Variants in RNF216 observed in about 807,000 individuals in gnomAD.
The protein encoded by RNF216 is ring finger protein 216.
In RNF216, 72 loss-of-function variants were observed where a neutral mutation model predicts 110.8. That is an observed-to-expected ratio of 0.65 (90% CI 0.54 to 0.79). RNF216 has a LOEUF of 0.79. Among genes scored for constraint, RNF216 ranks in the 30% least tolerant of loss-of-function variants. The probability of loss-of-function intolerance (pLI) is 0.00; values close to 1 mark genes in which losing one functional copy is unlikely to be tolerated. For synonymous variants in RNF216, 495 were observed against 407.5 expected (o/e 1.21, Z -2.59); for missense variants, 1,342 against 1,141.2 (o/e 1.18, Z -2.54).
At chr7:5,727,771 G>C (rs1375737501) in intron 7 of RNF216, among the ~76,000 whole-genome samples, 1 of 151,800 alleles carries the variant, frequency 6.6e-6, no homozygotes. Flanking sequence ...AATACAGACT[G>C]CTCCAGTCTC....
chr7:5,644,295 C>T (rs1367935182), intron 14 of RNF216, among the ~76,000 whole-genome samples: 1 of 152,132 alleles, frequency 6.6e-6, no homozygotes, highest in Non-Finnish European at 1.5e-5. Context: ...TCTATTCCCA[C>T]CTCAATGTAT....
At chr7:5,656,417 T>C (rs1788746188) in intron 13 of RNF216, among the ~76,000 whole-genome samples, 1 of 152,170 alleles carries the variant, frequency 6.6e-6, no homozygotes, top group Non-Finnish European at 1.5e-5. Flanking sequence ...CTTTGACGAG[T>C]AACCTCAAAA....
intron 13 of RNF216, among the ~76,000 whole-genome samples, chr7:5,694,209 A>C (rs1381523448): frequency 6.6e-6 from 1 of 152,240 alleles, no homozygotes; most frequent in Non-Finnish European, 1.5e-5. Flanking sequence ...AGGACGGCCT[A>C]CTCAATTTCT....
intron 13 of RNF216, among the ~76,000 whole-genome samples, chr7:5,659,725 T>G (rs1788981418): frequency 6.6e-6 from 1 of 152,204 alleles, no homozygotes; most frequent in African/African-American, 2.4e-5. Flanking sequence ...ATTTGATTCT[T>G]GCTTAGATTT....
chr7:5,719,878 TA>T (rs1287372641), intron 9 of RNF216, among the ~76,000 whole-genome samples: 3 of 152,248 alleles, frequency 2.0e-5, no homozygotes, highest in Non-Finnish European at 4.4e-5. Context: ...TACCTGGATA[TA>T]AGACAAGCTT....
chr7:5,778,559 T>C (rs895793645), intron 1 of RNF216, among the ~76,000 whole-genome samples: 12 of 152,188 alleles, frequency 7.9e-5, no homozygotes, highest in African/African-American at 2.7e-4. Context: ...CCCCAGGACA[T>C]AGCATATCGG....
intron 9 of RNF216, among the ~76,000 whole-genome samples, chr7:5,718,816 A>G (rs749882248): frequency 2.6e-5 from 4 of 152,084 alleles, no homozygotes; most frequent in African/African-American, 7.2e-5. Context: ...CAAAGCATGT[A>G]ATCATGCTGG....
chr7:5,637,224 C>T lies in RNF216; in HGVS notation c.2382+3930G>A, dbSNP rs781541883. On this transcript the variant is annotated intron_variant, in intron 15 of 16. Transcript: ENST00000389902. ...TGGGAATGTCTGTCACACAGGGGCA[C>T]GGCCTGCCTTGTGAGCACTTCCCAC... Among the ~76,000 whole-genome samples the T allele has an allele frequency of 1.6e-4, 24 of 152,304 alleles. No homozygotes were observed. In the Middle Eastern group the frequency reaches 0.01, roughly 65 times the overall value.
intron 13 of RNF216, among the ~76,000 whole-genome samples, chr7:5,667,890 T>C (rs1789630595): frequency 6.6e-6 from 1 of 152,194 alleles, no homozygotes; most frequent in Non-Finnish European, 1.5e-5. Flanking sequence ...CACTGGGGTC[T>C]GGGCATGGGA....
chr7:5,709,681 C>G (rs759113500), intron 13 of RNF216, among the ~76,000 whole-genome samples: 1 of 152,202 alleles, frequency 6.6e-6, no homozygotes, highest in Non-Finnish European at 1.5e-5. Flanking sequence ...CCCTGGGAAG[C>G]TCCCACCAAC....
At chr7:5,707,084 A>G (rs1792341191) in intron 13 of RNF216, among the ~76,000 whole-genome samples, 2 of 152,230 alleles carry the variant, frequency 1.3e-5, no homozygotes, top group African/African-American at 4.8e-5. Flanking sequence ...TCAGCTGATC[A>G]TAAATGTGTG....
intron 1 of RNF216, among the ~76,000 whole-genome samples, chr7:5,768,957 G>A (rs76682240): frequency 5.3e-5 from 8 of 151,840 alleles, no homozygotes; most frequent in Admixed American, 2.6e-4. Flanking sequence ...CACTGTGCCC[G>A]GCCAAAGCAA....
At chr7:5,645,712 T>C (rs1788010583) in intron 14 of RNF216, among the ~76,000 whole-genome samples, 1 of 152,148 alleles carries the variant, frequency 6.6e-6, no homozygotes, top group African/African-American at 2.4e-5. Flanking sequence ...TGCTTCAGCC[T>C]TCCAAGTAGC....
At position 5,624,985 on chromosome 7, in the gene RNF216, C is replaced by T. The variant is rs1584327824; in HGVS notation, c.2383-860G>A. On this transcript the variant is annotated intron_variant, in intron 15 of 16. Transcript: ENST00000389902. The surrounding 1 kb of genome is among the most constrained non-coding windows in gnomAD (Gnocchi z 4.4). Reference sequence around the variant, plus strand: ...ATGAGTGGCGCTTACCTTAACCCCCCTCCTCAGTGACCCACAAAACAGCTG... The same window carrying T: ...ATGAGTGGCGCTTACCTTAACCCCCTTCCTCAGTGACCCACAAAACAGCTG... 6.6e-6 allele frequency among the ~76,000 whole-genome samples: 1 copy of T among 152,222 alleles called. No homozygotes were observed. The highest frequency in any genetic ancestry group is 1.5e-5 in the Non-Finnish European group (1 of 68,038).
At chr7:5,626,365 GC>G in intron 15 of RNF216, among the ~76,000 whole-genome samples, 1 of 151,340 alleles carries the variant, frequency 6.6e-6, no homozygotes, top group Middle Eastern at 3.4e-3. Flanking sequence ...CTGGGAGCTG[GC>G]AAGCCTCTTC....
At chr7:5,725,585 T>C in intron 7 of RNF216, 147 bp from the exon 8 acceptor site, 1 of 618,056 alleles carries the variant, frequency 1.6e-6, no homozygotes, top group Non-Finnish European at 2.9e-6. Context: ...GTGCGGTGGC[T>C]GACGCCTGTA....
rs139009091 is a variant in RNF216 at position 5,750,434 on chromosome 7, T to C, written c.201+2412A>G. On this transcript the variant is annotated intron_variant, in intron 3 of 16. Coordinates refer to ENST00000389902, the MANE Select transcript of RNF216 (RefSeq NM_207111.4). The stretch of plus-strand genomic sequence containing the variant: ...AGGCAAACTGGTCTTACTGTGATTA[T>C]CTTTGGTAGAAATGGGAGTGACTTA... Among the ~76,000 whole-genome samples, 1,227 of 152,342 alleles carry C rather than the reference T, an allele frequency of 8.1e-3. 17 individuals are homozygous for C. The highest frequency in any genetic ancestry group is 0.028 in the African/African-American group (1,173 of 41,580).
At chr7:5,779,591 G>A (rs1235876514) in intron 1 of RNF216, among the ~76,000 whole-genome samples, 1 of 148,156 alleles carries the variant, frequency 6.7e-6, no homozygotes, top group Non-Finnish European at 1.5e-5. Flanking sequence ...TGTAATTCTT[G>A]TGCTTTGGGA....
At position 5,688,208 on chromosome 7, in the gene RNF216, C is replaced by T. The variant is rs548027840; in HGVS notation, c.2061+23553G>A. On this transcript the variant is annotated intron_variant, in intron 13 of 16. Coordinates refer to ENST00000389902, the MANE Select transcript of RNF216 (RefSeq NM_207111.4). ...ATTTCAAAAATGATTAGTCTTCTTT[C>T]GATTACTTTTATATTGAGAGAAAAA... Among the ~76,000 whole-genome samples, 14 of 152,174 alleles carry T rather than the reference C, an allele frequency of 9.2e-5. No homozygotes were observed. The East Asian group carries it at 1.5e-3, about 17-fold the overall frequency.
Sources: gnomAD v4.1 joint callset for allele counts (sites outside exome capture counted in the v4.1 genomes callset) on GRCh38, gnomAD v4.1.1 for gene constraint, Gnocchi (gnomAD v3.1) non-coding constraint, MANE v1.5 for transcripts, NCBI Gene and HGNC (gene_info 2026-07-23, HGNC 2026-07-21) for gene names.